The following OSBP2 variants were observed in gnomAD, a reference collection of about 807,000 sequenced individuals.
The protein encoded by OSBP2 is oxysterol binding protein 2.
In OSBP2, 66 loss-of-function variants were observed where a neutral mutation model predicts 96.0. The ratio of observed to expected loss-of-function variants is 0.69; its 90% CI spans 0.56 to 0.84. OSBP2 has a LOEUF of 0.84. Among genes scored for constraint, OSBP2 ranks in the 40% least tolerant of loss-of-function variants. The probability of loss-of-function intolerance (pLI) is 0.00; values close to 1 mark genes in which losing one functional copy is unlikely to be tolerated. For missense variants in OSBP2, 1,038 were observed against 1,222.7 expected, an observed-to-expected ratio of 0.85 and a Z score of 2.25; for synonymous variants, 525 against 520.9, an observed-to-expected ratio of 1.01 and a Z score of -0.11.
chr22:30,866,523 G>A (rs538932665), intron 2 of OSBP2, among the ~76,000 whole-genome samples: 1 of 152,298 alleles, frequency 6.6e-6, no homozygotes, highest in South Asian at 2.1e-4. Context: ...GCGGATCACA[G>A]GTCAGGAGTT....
At chr22:30,897,775 C>A (rs1179604391) in intron 12 of OSBP2, among the ~76,000 whole-genome samples, 1 of 152,016 alleles carries the variant, frequency 6.6e-6, no homozygotes, top group East Asian at 1.9e-4. Flanking sequence ...CATGGTGAAA[C>A]CCTGTTTCTA....
At chr22:30,740,060 G>A (rs1484025637) in intron 1 of OSBP2, among the ~76,000 whole-genome samples, 2 of 152,188 alleles carry the variant, frequency 1.3e-5, no homozygotes, top group African/African-American at 4.8e-5. Context: ...TGGCCAGCTG[G>A]TCTTGAACTC....
At position 30,736,636 on chromosome 22, in the gene OSBP2, T is replaced by C. The variant is rs531875904; in HGVS notation, c.645-4525T>C. Among the ~76,000 whole-genome samples, 6 of 152,368 alleles carry C rather than the reference T, an allele frequency of 3.9e-5. No homozygotes were observed. In the East Asian group the frequency reaches 1.2e-3, roughly 29 times the overall value. ...AAAAATAGTGCAGACAATTCCTATA[T>C]ACTCTTTGCTTAGCTCCCCTTAGTG... On this transcript the variant is annotated intron_variant, in intron 1 of 13. Transcript: ENST00000332585.
Position 30,707,313 on chromosome 22 carries a change from T to C in OSBP2, c.644+11760T>C, listed in dbSNP as rs139177935. Among the ~76,000 whole-genome samples the C allele has an allele frequency of 4.6e-5, 7 of 152,110 alleles. No homozygotes were observed. In the East Asian group the frequency reaches 1.4e-3, roughly 30 times the overall value. Reference sequence around the variant, plus strand: ...GGTTTCACCATATTGGCCAGGATGGTCTTGATCTCCTGACCTCAAGTGATC... The same window carrying C: ...GGTTTCACCATATTGGCCAGGATGGCCTTGATCTCCTGACCTCAAGTGATC... On this transcript the variant is annotated intron_variant, in intron 1 of 13. Coordinates refer to ENST00000332585, the MANE Select transcript of OSBP2 (RefSeq NM_030758.4).
intron 2 of OSBP2, among the ~76,000 whole-genome samples, chr22:30,776,110 C>T (rs1316893318): frequency 5.8e-5 from 5 of 86,864 alleles, no homozygotes; most frequent in African/African-American, 2.4e-4. Context: ...TTTTCTTTTT[C>T]TTTTCTTTTT....
chr22:30,848,932 G>T (rs1398393871), intron 2 of OSBP2, among the ~76,000 whole-genome samples: 1 of 152,140 alleles, frequency 6.6e-6, no homozygotes, highest in Non-Finnish European at 1.5e-5. Context: ...ATATCTAGAA[G>T]TGGAATTATA....
At chr22:30,727,171 T>C (rs555975820) in intron 1 of OSBP2, among the ~76,000 whole-genome samples, 2 of 152,148 alleles carry the variant, frequency 1.3e-5, no homozygotes, top group Non-Finnish European at 2.9e-5. Flanking sequence ...ATTGCTAAGG[T>C]AAGTCCTCAG....
chr22:30,806,756 C>T (rs541255071), intron 2 of OSBP2, among the ~76,000 whole-genome samples: 1 of 152,114 alleles, frequency 6.6e-6, no homozygotes, highest in Admixed American at 6.5e-5. Context: ...CCTCCATGGA[C>T]CCTAGAGATA....
chr22:30,806,591 A>T (rs1383699798), intron 2 of OSBP2, among the ~76,000 whole-genome samples: 1 of 152,194 alleles, frequency 6.6e-6, no homozygotes, highest in African/African-American at 2.4e-5. Flanking sequence ...CAGAGAGGAA[A>T]TGACTCATCC....
intron 2 of OSBP2, chr22:30,822,643 G>A (rs2038302410): frequency 5.2e-6 from 8 of 1,533,504 alleles, no homozygotes; most frequent in South Asian, 1.2e-5. Context: ...GAAGGGACGC[G>A]GCTGCTGGGA....
intron 2 of OSBP2, among the ~76,000 whole-genome samples, chr22:30,780,878 A>T (rs1015417859): frequency 1.3e-5 from 2 of 151,082 alleles, no homozygotes; most frequent in African/African-American, 2.4e-5. Context: ...AAATGTAAAA[A>T]CCTCCAGTGG....
chr22:30,878,549 C>T (rs2039633746), intron 3 of OSBP2, among the ~76,000 whole-genome samples: 1 of 152,194 alleles, frequency 6.6e-6, no homozygotes. Context: ...GAGGGTCTTT[C>T]CCAGGAGTGG....
intron 2 of OSBP2, among the ~76,000 whole-genome samples, chr22:30,817,706 C>T (rs572309136): frequency 6.6e-6 from 1 of 152,296 alleles, no homozygotes; most frequent in Non-Finnish European, 1.5e-5. Context: ...CATTCCCATG[C>T]ACCTACCATG....
At chr22:30,836,109 T>G (rs2038627227) in intron 2 of OSBP2, among the ~76,000 whole-genome samples, 1 of 152,190 alleles carries the variant, frequency 6.6e-6, no homozygotes, top group South Asian at 2.1e-4. Flanking sequence ...CTCTACCACT[T>G]CTGATGACTG....
At chr22:30,763,047 T>C (rs2090226502) in intron 2 of OSBP2, among the ~76,000 whole-genome samples, 3 of 152,176 alleles carry the variant, frequency 2.0e-5, no homozygotes, top group Non-Finnish European at 4.4e-5. Flanking sequence ...CTTGGACAAG[T>C]TGCTTGCCGT....
chr22:30,709,741 C>T (rs920167856), intron 1 of OSBP2, among the ~76,000 whole-genome samples: 1 of 151,858 alleles, frequency 6.6e-6, no homozygotes, highest in Non-Finnish European at 1.5e-5. Context: ...CTTGCTGTGT[C>T]ACCCAGGCTG....
At chr22:30,891,094 G>A in intron 8 of OSBP2, 121 bp downstream of exon 8, 1 of 1,247,222 alleles carries the variant, frequency 8.0e-7, no homozygotes, top group Non-Finnish European at 1.1e-6. Context: ...CCATACCCAA[G>A]GGGCCATCAA....
intron 3 of OSBP2, among the ~76,000 whole-genome samples, chr22:30,886,927 G>A (rs1299102490): frequency 1.3e-5 from 2 of 152,174 alleles, no homozygotes; most frequent in Non-Finnish European, 2.9e-5. Context: ...TGCAAAGTGA[G>A]AGCAAGTTTA....
intron 1 of OSBP2, among the ~76,000 whole-genome samples, chr22:30,706,354 G>A (rs2089253141): frequency 6.6e-6 from 1 of 151,572 alleles, no homozygotes; most frequent in Non-Finnish European, 1.5e-5. Context: ...TTTTTTAAGA[G>A]TCCTTGGAGT....
Sources: allele counts gnomAD v4.1 joint callset (sites outside exome capture counted in the v4.1 genomes callset), GRCh38; gene constraint gnomAD v4.1.1; transcripts MANE v1.5; gene names NCBI Gene and HGNC (gene_info 2026-07-23, HGNC 2026-07-21).